POU6F1: variants seen among roughly 807,000 people sequenced by gnomAD.
POU6F1 encodes POU class 6 homeobox 1.
Under a neutral mutation model 28.9 loss-of-function variants are expected in POU6F1, and 9 were observed. That is an observed-to-expected ratio of 0.31 (90% CI 0.19 to 0.54). The LOEUF (loss-of-function observed/expected upper bound fraction) is 0.54. POU6F1 is among the 20% of genes least tolerant of loss of function. The pLI, the probability that POU6F1 is intolerant of heterozygous loss-of-function variation, is 0.94. For synonymous variants in POU6F1, 173 were observed against 171.1 expected (o/e 1.01, Z -0.09); for missense variants, 338 against 426.1 (o/e 0.79, Z 1.82).
rs974391441 is a variant in POU6F1 at position 51,190,203 on chromosome 12, G to C, written c.*44C>G. The C allele has an allele frequency of 1.3e-6, 2 of 1,592,692 alleles. No homozygotes were observed. Among genetic ancestry groups the C allele is most frequent in the South Asian group, 1.1e-5 (1 of 89,286 alleles). On this transcript the variant is annotated 3_prime_UTR_variant, in exon 11 of 11. Coordinates refer to ENST00000333640, the MANE Select transcript of POU6F1 (RefSeq NM_001330422.2). The surrounding 1 kb of genome is among the most constrained non-coding windows in gnomAD (Gnocchi z 4.5). ...GGCAGTGGCTGCAGCCGGATGCCAC[G>C]GGAAATGGACAAAGTGCTAGAACAC...
At chr12:51,196,748 G>A (rs375877011) in intron 7 of POU6F1, 51 bp downstream of exon 7, 1 of 1,604,854 alleles carries the variant, frequency 6.2e-7, no homozygotes, top group Non-Finnish European at 8.5e-7. Flanking sequence ...GCCATCCCCT[G>A]GCCAGCCTCT....
At chr12:51,192,610 T>C in intron 8 of POU6F1, 139 bp from the exon 9 acceptor site, 1 of 1,164,230 alleles carries the variant, frequency 8.6e-7, no homozygotes, top group Non-Finnish European at 1.2e-6. Context: ...GGCTCTATCA[T>C]AAAACAAGAC....
In POU6F1 at chr12:51,199,617, C is replaced by T; in HGVS notation, c.366+130G>A. 1 of 398,300 alleles carries T rather than the reference C, an allele frequency of 2.5e-6. No homozygotes were observed. The highest frequency in any genetic ancestry group is 4.4e-6 in the Non-Finnish European group (1 of 225,988). 24.7% of individuals were successfully genotyped at this position (398,300 alleles called of 1,614,324 possible). On this transcript the variant is annotated intron_variant, in intron 4 of 10. Coordinates refer to ENST00000333640, the MANE Select transcript of POU6F1 (RefSeq NM_001330422.2). The surrounding 1 kb of genome is among the most constrained non-coding windows in gnomAD (Gnocchi z 4.1). Reference sequence around the variant, plus strand: ...GATGTGCCTAGTGGGAGAGTCCCTCCCTCAAGCCATAGCCCCTTCCCTGTC... The same window carrying T: ...GATGTGCCTAGTGGGAGAGTCCCTCTCTCAAGCCATAGCCCCTTCCCTGTC...
chr12:51,190,658 C>T lies in POU6F1; in HGVS notation c.1491-66G>A. 1.3e-6 allele frequency: 2 copies of T among 1,565,538 alleles called. No homozygotes were observed. Among genetic ancestry groups the T allele is most frequent in the South Asian group, 2.4e-5 (2 of 83,484 alleles). On this transcript the variant is annotated intron_variant, in intron 10 of 10. Transcript: ENST00000333640. This position sits in a 1 kb window ranked among gnomAD's most constrained non-coding sequence, Gnocchi z 4.5. The stretch of plus-strand genomic sequence containing the variant: ...GTTGGTCTCTTTGGCACACCCCGCA[C>T]CTAGGTGCAGGCTCCATCCTCAAGG...
rs1261777709 is a variant in POU6F1 at position 51,189,759 on chromosome 12, G to A, written c.*488C>T. ...TGCACCTGCAGGCAAAGTGTGGGGG[G>A]CGGAAGGGCAGTGTGAGGCTGTGTT... On this transcript the variant is annotated 3_prime_UTR_variant, in exon 11 of 11. Transcript: ENST00000333640. 1.2e-5 allele frequency: 2 copies of A among 166,422 alleles called. No individual in the cohort carries two copies. The highest frequency in any genetic ancestry group is 1.5e-4 in the South Asian group (1 of 6,504). 10.3% of individuals were successfully genotyped at this position (166,422 alleles called of 1,614,324 possible). A position where few individuals can be genotyped will look rare whatever the true frequency, so the allele number is the denominator to read the frequency against.
At chr12:51,191,908 T>A in intron 9 of POU6F1, 144 bp from the exon 10 acceptor site, 1 of 1,035,292 alleles carries the variant, frequency 9.7e-7, no homozygotes, top group Non-Finnish European at 1.4e-6. Flanking sequence ...TCTTATCACC[T>A]TTGTCCCCAA....
At chr12:51,216,694 C>T (rs6580810) in intron 1 of POU6F1, among the ~76,000 whole-genome samples, 119,608 of 152,144 alleles carry the variant, frequency 0.79, 47,177 homozygotes, top group East Asian at 0.88. Flanking sequence ...GGGCATGGGA[C>T]ACATGTATAT....
chr12:51,198,283 G>T (rs1328448192), intron 5 of POU6F1: 1 of 396,408 alleles, frequency 2.5e-6, no homozygotes, highest in East Asian at 3.6e-5. Context: ...GGCCGGTCAT[G>T]GGGTGAGTTC....
chr12:51,189,815 C>A lies in POU6F1; in HGVS notation c.*432G>T. The A allele has an allele frequency of 5.1e-6, 1 of 197,882 alleles. No individual in the cohort carries two copies. The highest frequency in any genetic ancestry group is 1.0e-4 in the South Asian group (1 of 9,728). The allele number at this position is 197,882 out of a possible 1,614,324, so 12.3% of individuals were successfully genotyped here. A position where few individuals can be genotyped will look rare whatever the true frequency, so the allele number is the denominator to read the frequency against. Reference sequence around the variant, plus strand: ...TGGATGAGTTGTCATACCTGCCACACTAACACAGAGGAGCAAAGGAGAAGA... The same window carrying A: ...TGGATGAGTTGTCATACCTGCCACAATAACACAGAGGAGCAAAGGAGAAGA... On this transcript the variant is annotated 3_prime_UTR_variant, in exon 11 of 11. Transcript: ENST00000333640.
chr12:51,192,904 CAAAA>C (rs11361026), intron 8 of POU6F1, among the ~76,000 whole-genome samples: 1 of 111,014 alleles, frequency 9.0e-6, no homozygotes, highest in Non-Finnish European at 2.0e-5. Flanking sequence ...GACTCCGTCT[CAAAA>C]AAAAAAAAAA....
chr12:51,192,459 G>C lies in POU6F1; in HGVS notation c.1192C>G (p.Gln398Glu), dbSNP rs1272303973. 10 of 1,613,086 alleles carry C rather than the reference G, an allele frequency of 6.2e-6. No individual in the cohort carries two copies. The highest frequency in any genetic ancestry group is 5.0e-5 in the Admixed American group (3 of 59,984). ...SPAKSEVQPI[Q>E]PTPTVPQPAV... Reference sequence around the variant, plus strand: ...GGCTGGGGCACGGTTGGTGTGGGCTGGATGGGCTGCACCTGTGAAAGGACA... The same window carrying C: ...GGCTGGGGCACGGTTGGTGTGGGCTCGATGGGCTGCACCTGTGAAAGGACA... The change falls in exon 9 of 11, where the codon CAG becomes GAG. Residue 398 changes from glutamine (Q) to glutamate (E), a missense_variant. Coordinates refer to ENST00000333640, the MANE Select transcript of POU6F1 (RefSeq NM_001330422.2).
chr12:51,206,807 AG>A lies in POU6F1; in HGVS notation c.29del (p.Ser10PhefsTer2). Reference protein sequence around the residue: MDPGAGSETSLTVNEQVIVM... With the variant: MDPGAGSETXLTVNEQVIVM... ...AAGATACCTGCTCATTGACAGTCAG[AG>A]ATGTCTCTGACCCGGCTCCAGGATC... is the stretch of plus-strand genomic sequence containing the variant. On this transcript the variant is annotated frameshift_variant, in exon 2 of 11. Coordinates refer to ENST00000333640, the MANE Select transcript of POU6F1 (RefSeq NM_001330422.2). LOFTEE classifies it high-confidence loss of function. 2.5e-6 allele frequency: 1 copy of A among 398,594 alleles called. No homozygotes were observed. Among genetic ancestry groups the A allele is most frequent in the Non-Finnish European group, 4.4e-6 (1 of 225,992 alleles). The allele number at this position is 398,594 out of a possible 1,614,324, so 24.7% of individuals were successfully genotyped here. A position where few individuals can be genotyped will look rare whatever the true frequency, so the allele number is the denominator to read the frequency against.
In POU6F1 at chr12:51,200,983, G is replaced by A. The variant is rs937524517; in HGVS notation, c.245-1115C>T. On this transcript the variant is annotated intron_variant, in intron 3 of 10. Transcript: ENST00000333640. Reference sequence around the variant, plus strand: ...GCTGGGATTACAGGCATGAGTCACCGCGCCTGGCCAGATCAATGGCTTCTT... The same window carrying A: ...GCTGGGATTACAGGCATGAGTCACCACGCCTGGCCAGATCAATGGCTTCTT... Among the ~76,000 whole-genome samples the A allele has an allele frequency of 1.5e-4, 23 of 152,128 alleles. 1 individual carries two copies. Among genetic ancestry groups the A allele is most frequent in the Non-Finnish European group, 1.5e-5 (1 of 68,022 alleles).
intron 3 of POU6F1, 68 bp downstream of exon 3, chr12:51,204,105 C>T: frequency 2.5e-6 from 1 of 398,906 alleles, no homozygotes. Context: ...ATGCTGGCTC[C>T]CCAGGGACCA....
intron 3 of POU6F1, among the ~76,000 whole-genome samples, chr12:51,201,122 A>G (rs1462328765): frequency 6.6e-6 from 1 of 152,228 alleles, no homozygotes; most frequent in Non-Finnish European, 1.5e-5. Context: ...TCCCCCTGCG[A>G]TATGGCCAAG....
intron 6 of POU6F1, 52 bp from the exon 7 acceptor site, chr12:51,196,979 C>G (rs1027348171): frequency 3.7e-6 from 4 of 1,083,454 alleles, no homozygotes; most frequent in East Asian, 4.8e-5. Flanking sequence ...AGAAGAACCC[C>G]GGGCAGAGGG....
chr12:51,214,535 C>T (rs1176733808), intron 1 of POU6F1, among the ~76,000 whole-genome samples: 2 of 152,186 alleles, frequency 1.3e-5, no homozygotes, highest in African/African-American at 4.8e-5. Flanking sequence ...CCTGTCCCCA[C>T]ACCCTGAACC....
Position 51,196,172 on chromosome 12 carries a change from A to C in POU6F1, c.977T>G (p.Val326Gly). ...SQILTNAQGQ[V>G]IGTLPWVVNS... ...CACTACCCATGGAAGGGTTCCAATA[A>C]CCTGGGAGGAAATAAGGCAGGGACC... The change falls in exon 8 of 11, where the codon GTT becomes GGT. Residue 326 changes from valine to glycine, a missense_variant and splice_region_variant. By Grantham distance (109) the Val-to-Gly change is moderately radical. Coordinates refer to ENST00000333640, the MANE Select transcript of POU6F1 (RefSeq NM_001330422.2). 1.3e-6 allele frequency: 2 copies of C among 1,503,694 alleles called. No individual in the cohort carries two copies. The highest frequency in any genetic ancestry group is 1.8e-6 in the Non-Finnish European group (2 of 1,129,058). The allele number at this position is 1,503,694 out of a possible 1,614,324, so 93.1% of individuals were successfully genotyped here.
chr12:51,207,674 GAGTGGGACTCAGTCTCACTAAAT>G (rs1943718215), intron 1 of POU6F1: 1 of 152,248 alleles, frequency 6.6e-6, no homozygotes, highest in African/African-American at 2.4e-5. Flanking sequence ...GTACAGAGTA[GAGTGGGACTCAGTCTCACTAAAT>G]AAATAAAATA....
Sources: gnomAD v4.1 joint callset for allele counts (sites outside exome capture counted in the v4.1 genomes callset) on GRCh38, gnomAD v4.1.1 for gene constraint, Gnocchi (gnomAD v3.1) non-coding constraint, MANE v1.5 for transcripts, NCBI Gene and HGNC (gene_info 2026-07-23, HGNC 2026-07-21) for gene names.